The following TLR5 variants were observed in gnomAD, a reference collection of about 807,000 sequenced individuals.
The protein encoded by TLR5 is toll like receptor 5.
For missense variants in TLR5, 944 were observed against 999.8 expected, an observed-to-expected ratio of 0.94 and a Z score of 0.75; for synonymous variants, 373 against 384.4, an observed-to-expected ratio of 0.97 and a Z score of 0.35.
Position 223,112,800 on chromosome 1 carries a change from C to T in TLR5, c.232G>A (p.Gly78Arg), listed in dbSNP as rs756137200. The T allele has an allele frequency of 5.0e-6, 8 of 1,612,366 alleles. No homozygotes were observed. The highest frequency in any genetic ancestry group is 1.7e-5 in the Admixed American group (1 of 59,862). The change falls in exon 6 of 6, where the codon GGG (glycine) becomes AGG (arginine). Residue 78 changes from glycine to arginine, a missense_variant. Transcript: ENST00000642603. ...FLEQLQLLELGSQYTPLTIDK... is the reference protein window; with the variant it reads ...FLEQLQLLELRSQYTPLTIDK... ...ATAGTCAAGGGGGTATACTGGCTCC[C>T]GAGCTCCAGCAGCTGCAGCTGTTCC...
Position 223,111,898 on chromosome 1 carries a change from TTGGTC to T in TLR5, c.1129_1133del (p.Asp377AsnfsTer36), listed in dbSNP as rs764582120. 7 of 1,614,084 alleles carry T rather than the reference TTGGTC, an allele frequency of 4.3e-6. No homozygotes were observed. The South Asian group carries it at 7.7e-5, about 18-fold the overall frequency. On this transcript the variant is annotated frameshift_variant, in exon 6 of 6. Transcript: ENST00000642603. LOFTEE classifies it low-confidence loss of function (END_TRUNC). ...GTAATTTTTCCAGGAATTTGAATGT[TTGGTC>T]TTGAATTATTGCAATGTGATTCTTT...
intron 5 of TLR5, among the ~76,000 whole-genome samples, chr1:223,118,999 G>A (rs1286322776): frequency 6.6e-6 from 1 of 152,046 alleles, no homozygotes; most frequent in Non-Finnish European, 1.5e-5. Flanking sequence ...AGCTACTCAG[G>A]AGGCTCAGGC....
chr1:223,112,830 A>C lies in TLR5; in HGVS notation c.202T>G (p.Phe68Val). 6.2e-7 allele frequency: 1 copy of C among 1,612,642 alleles called. No individual in the cohort carries two copies. The change falls in exon 6 of 6, where the codon TTT becomes GTT. Residue 68 changes from phenylalanine to valine, a missense_variant. By Grantham distance (50) the Phe-to-Val change is conservative. Transcript: ENST00000642603. ...IRTVTASSFPFLEQLQLLELG... is the reference protein window; with the variant it reads ...IRTVTASSFPVLEQLQLLELG... ...TCCAGCAGCTGCAGCTGTTCCAGAAAGGGGAAGGATGAAGCAGTGACTGTC... is the reference window on the plus strand; with the variant it reads ...TCCAGCAGCTGCAGCTGTTCCAGAACGGGGAAGGATGAAGCAGTGACTGTC...
At position 223,110,568 on chromosome 1, in the gene TLR5, G is replaced by A. The variant is rs7512943; in HGVS notation, c.2464C>T (p.Leu822Phe). Residue 822 changes from leucine (L) to phenylalanine (F), a missense_variant, in exon 6 of 6, where the codon CTC becomes TTC. Leu to Phe is a conservative substitution (Grantham distance 22). Coordinates refer to ENST00000642603, the MANE Select transcript of TLR5 (RefSeq NM_003268.6). ...KQQYLRWPED[L>F]QDVGWFLHKL... is the part of the protein sequence containing the mutation. ...TGAAGAAACCAGCCAACATCCTGGA[G>A]ATCCTCAGGCCACCTCAAATACTGC... 2 of 1,614,130 alleles carry A rather than the reference G, an allele frequency of 1.2e-6. No homozygotes were observed. The highest frequency in any genetic ancestry group is 2.2e-5 in the East Asian group (1 of 44,882).
chr1:223,123,103 G>C (rs1657016312), intron 5 of TLR5, among the ~76,000 whole-genome samples: 1 of 152,146 alleles, frequency 6.6e-6, no homozygotes, highest in African/African-American at 2.4e-5. Flanking sequence ...ACCAGTATTT[G>C]CAGGAAAGAA....
intron 5 of TLR5, among the ~76,000 whole-genome samples, chr1:223,126,156 G>A (rs1657156674): frequency 6.6e-6 from 1 of 152,194 alleles, no homozygotes; most frequent in African/African-American, 2.4e-5. Context: ...TATATAATGG[G>A]ATATTTTTCG....
chr1:223,136,754 A>G (rs1657628842), intron 3 of TLR5, among the ~76,000 whole-genome samples: 4 of 152,182 alleles, frequency 2.6e-5, no homozygotes, highest in Admixed American at 2.6e-4. Flanking sequence ...CATATAGCTT[A>G]TATTTTTTGG....
At position 223,111,545 on chromosome 1, in the gene TLR5, T is replaced by C. The variant is rs781104276; in HGVS notation, c.1487A>G (p.Asp496Gly). ...AAGATGAGAAAGTCCCTCAAAAACA[T>C]CCCAACAGAGCTCAGTTTCCCAGGC... ...QLAWETELCW[D>G]VFEGLSHLQV... The change falls in exon 6 of 6, where the codon GAT becomes GGT. Residue 496 changes from aspartate (D) to glycine (G), a missense_variant. Transcript: ENST00000642603. 3 of 1,614,078 alleles carry C rather than the reference T, an allele frequency of 1.9e-6. No individual in the cohort carries two copies. The highest frequency in any genetic ancestry group is 1.7e-6 in the Non-Finnish European group (2 of 1,180,026).
chr1:223,123,365 A>G (rs763972196), intron 5 of TLR5: 2 of 152,224 alleles, frequency 1.3e-5, no homozygotes, highest in African/African-American at 2.4e-5. Flanking sequence ...ACAGCCCCAA[A>G]CGAAATATGT....
chr1:223,131,670 G>T lies in TLR5; in HGVS notation c.-5+805C>A, dbSNP rs1657400392. Among the ~76,000 whole-genome samples, 3 of 152,102 alleles carry T rather than the reference G, an allele frequency of 2.0e-5. No individual in the cohort carries two copies. ...CCACAATCTCCTGGGCTCAAGTGAT[G>T]CTCCCATCTCAGCTTCCCAAGTAGT... is the stretch of plus-strand genomic sequence containing the variant. On this transcript the variant is annotated intron_variant, in intron 5 of 5. Transcript: ENST00000642603. The surrounding 1 kb of genome is among the most constrained non-coding windows in gnomAD (Gnocchi z 4.2).
intron 2 of TLR5, among the ~76,000 whole-genome samples, chr1:223,139,519 A>C (rs1000173823): frequency 3.3e-5 from 5 of 152,210 alleles, no homozygotes; most frequent in African/African-American, 1.2e-4. Flanking sequence ...ATTAATGATC[A>C]GGAATTAGCT....
chr1:223,124,711 C>CT (rs1461787247), intron 5 of TLR5, among the ~76,000 whole-genome samples: 1 of 152,190 alleles, frequency 6.6e-6, no homozygotes, highest in East Asian at 1.9e-4. Flanking sequence ...TCATGTGATT[C>CT]TCCTGCCTCA....
At chr1:223,142,245 C>A (rs1657905716) in intron 1 of TLR5, among the ~76,000 whole-genome samples, 1 of 152,186 alleles carries the variant, frequency 6.6e-6, no homozygotes, top group African/African-American at 2.4e-5. Flanking sequence ...CTCTTCCAGG[C>A]ACTGAGCAAG....
chr1:223,135,473 G>C (rs1322814552), intron 3 of TLR5, among the ~76,000 whole-genome samples: 2 of 152,226 alleles, frequency 1.3e-5, no homozygotes, highest in African/African-American at 4.8e-5. Context: ...AGATACATGA[G>C]ACCATGGCAA....
At chr1:223,117,262 C>G (rs1306285923) in intron 5 of TLR5, among the ~76,000 whole-genome samples, 3 of 152,130 alleles carry the variant, frequency 2.0e-5, no homozygotes, top group Admixed American at 1.3e-4. Flanking sequence ...CCACGCCCAC[C>G]CAGAATTCGC....
Position 223,112,778 on chromosome 1 carries a change from G to T in TLR5, c.254C>A (p.Thr85Asn), listed in dbSNP as rs1656427575. ...LELGSQYTPLTIDKEAFRNLP... is the reference protein window; with the variant it reads ...LELGSQYTPLNIDKEAFRNLP... ...GTTTCTGAAGGCCTCCTTGTCAATA[G>T]TCAAGGGGGTATACTGGCTCCCGAG... The change falls in exon 6 of 6, where the codon ACT becomes AAT. Residue 85 changes from threonine (T) to asparagine (N), a missense_variant. Coordinates refer to ENST00000642603, the MANE Select transcript of TLR5 (RefSeq NM_003268.6). The T allele has an allele frequency of 6.2e-7, 1 of 1,613,826 alleles. No individual in the cohort carries two copies. Among genetic ancestry groups the T allele is most frequent in the Non-Finnish European group, 8.5e-7 (1 of 1,179,860 alleles).
At chr1:223,142,469 C>T (rs1433419771) in intron 1 of TLR5, among the ~76,000 whole-genome samples, 2 of 152,198 alleles carry the variant, frequency 1.3e-5, no homozygotes, top group Admixed American at 1.3e-4. Flanking sequence ...AGGGCCTCAG[C>T]GCCTTCCCAG....
In TLR5 at chr1:223,112,242, T is replaced by C. The variant is rs771844045; in HGVS notation, c.790A>G (p.Ile264Val). 8.1e-6 allele frequency: 13 copies of C among 1,614,074 alleles called. No homozygotes were observed. The highest frequency in any genetic ancestry group is 1.1e-5 in the Non-Finnish European group (13 of 1,180,036). ...QAFSLILAHH[I>V]MGAGFGFHNI... Reference sequence around the variant, plus strand: ...TGGAAGCCAAACCCGGCACCCATGATGTGGTGGGCAAGAATCAAAGAGAAG... The same window carrying C: ...TGGAAGCCAAACCCGGCACCCATGACGTGGTGGGCAAGAATCAAAGAGAAG... The change falls in exon 6 of 6, where the codon ATC (isoleucine) becomes GTC (valine). Residue 264 changes from isoleucine (I) to valine (V), a missense_variant. Ile to Val is a conservative substitution (Grantham distance 29). Transcript: ENST00000642603.
intron 5 of TLR5, among the ~76,000 whole-genome samples, chr1:223,123,002 C>A (rs1245570063): frequency 6.6e-6 from 1 of 152,154 alleles, no homozygotes; most frequent in Non-Finnish European, 1.5e-5. Flanking sequence ...TTGCTGATCT[C>A]TATTCTAGAA....
Sources: allele counts gnomAD v4.1 joint callset (sites outside exome capture counted in the v4.1 genomes callset), GRCh38; gene constraint gnomAD v4.1.1; non-coding constraint Gnocchi (gnomAD v3.1); transcripts MANE v1.5; gene names NCBI Gene and HGNC (gene_info 2026-07-23, HGNC 2026-07-21).